IL2RA: variants seen among roughly 807,000 people sequenced by gnomAD.
The protein encoded by IL2RA is interleukin 2 receptor subunit alpha.
In IL2RA, 24 loss-of-function variants were observed where a neutral mutation model predicts 37.8. That is an observed-to-expected ratio of 0.63 (90% CI 0.46 to 0.89). The LOEUF (loss-of-function observed/expected upper bound fraction) is 0.89, where lower values mean the gene tolerates loss of function less well. IL2RA is among the 40% of genes least tolerant of loss of function. The pLI, the probability that IL2RA is intolerant of heterozygous loss-of-function variation, is 0.00. For missense variants in IL2RA, 319 were observed against 348.6 expected (o/e 0.92, Z 0.68); for synonymous variants, 125 against 114.6 (o/e 1.09, Z -0.58).
intron 1 of IL2RA, among the ~76,000 whole-genome samples, chr10:6,051,172 G>C (rs1281413701): frequency 6.6e-6 from 1 of 152,060 alleles, no homozygotes; most frequent in Non-Finnish European, 1.5e-5. Flanking sequence ...GCTACCACAA[G>C]GACCGGAAGC....
intron 1 of IL2RA, among the ~76,000 whole-genome samples, chr10:6,031,472 ATATATATATATATATATATATG>A (rs1564545918): frequency 0.18 from 3,752 of 20,908 alleles, 92 homozygotes; most frequent in African/African-American, 0.25. Flanking sequence ...ATATATATAT[ATATATATATATATATATATATG>A]TATATATATA....
At chr10:6,030,138 G>C (rs2132865417) in intron 1 of IL2RA, among the ~76,000 whole-genome samples, 1 of 152,230 alleles carries the variant, frequency 6.6e-6, no homozygotes, top group South Asian at 2.1e-4. Context: ...ATGGACCTTT[G>C]GCATGCTGTA....
chr10:6,026,751 G>A (rs1839489972), intron 1 of IL2RA, among the ~76,000 whole-genome samples: 2 of 152,296 alleles, frequency 1.3e-5, no homozygotes, highest in Middle Eastern at 3.4e-3. Context: ...GATTTTGGGG[G>A]GAAATATCAC....
rs1183864653 is a variant in IL2RA at position 6,057,583 on chromosome 10, C to A, written c.64+4505G>T. The stretch of plus-strand genomic sequence containing the variant: ...AAATCTGTCAAAAACTCACGCCCTC[C>A]CCGTGTCCTCTCCTCAGTGCTTTGG... On this transcript the variant is annotated intron_variant, in intron 1 of 7. Coordinates refer to ENST00000379959, the MANE Select transcript of IL2RA (RefSeq NM_000417.3). The surrounding 1 kb of genome is among the most constrained non-coding windows in gnomAD (Gnocchi z 4.8). Among the ~76,000 whole-genome samples the A allele has an allele frequency of 6.6e-6, 1 of 152,184 alleles. No individual in the cohort carries two copies. The highest frequency in any genetic ancestry group is 1.5e-5 in the Non-Finnish European group (1 of 68,042).
chr10:6,018,302 G>A lies in IL2RA; in HGVS notation c.728-183C>T, dbSNP rs79040149. Among the ~76,000 whole-genome samples the A allele has an allele frequency of 1.6e-3, 243 of 152,232 alleles. 1 individual carries two copies. The highest frequency in any genetic ancestry group is 5.6e-3 in the African/African-American group (234 of 41,526). ...ATTTCCTAGGAGTCTTGAGGAACAG[G>A]GCAGGGAGGACAGGGTGAGGGTGGA... On this transcript the variant is annotated intron_variant, in intron 6 of 7. Coordinates refer to ENST00000379959, the MANE Select transcript of IL2RA (RefSeq NM_000417.3). The surrounding 1 kb of genome is among the most constrained non-coding windows in gnomAD (Gnocchi z 5.1).
chr10:6,041,411 G>T (rs1001040535), intron 1 of IL2RA, among the ~76,000 whole-genome samples: 1 of 151,936 alleles, frequency 6.6e-6, no homozygotes, highest in East Asian at 1.9e-4. Context: ...CACTGCGCCC[G>T]GCCAATGGTG....
At chr10:6,013,642 G>A (rs1292201937) in intron 7 of IL2RA, among the ~76,000 whole-genome samples, 2 of 152,092 alleles carry the variant, frequency 1.3e-5, no homozygotes, top group Non-Finnish European at 2.9e-5. Flanking sequence ...CACTGATCAC[G>A]CGGTTGGGAA....
chr10:6,043,548 C>A (rs984072813), intron 1 of IL2RA, among the ~76,000 whole-genome samples: 1 of 152,114 alleles, frequency 6.6e-6, no homozygotes, highest in East Asian at 1.9e-4. Context: ...AAGTGATTCT[C>A]CTGCCTCAGC....
chr10:6,041,319 G>A (rs12722650), intron 1 of IL2RA, among the ~76,000 whole-genome samples: 1,856 of 152,054 alleles, frequency 0.012, 102 homozygotes, highest in Admixed American at 0.09. Flanking sequence ...GTTTCACTGT[G>A]TTAGCCAGGA....
rs1182898583 is a variant in IL2RA at position 6,054,482 on chromosome 10, T to C, written c.64+7606A>G. 6.6e-6 allele frequency among the ~76,000 whole-genome samples: 1 copy of C among 152,220 alleles called. No individual in the cohort carries two copies. The highest frequency in any genetic ancestry group is 1.5e-5 in the Non-Finnish European group (1 of 68,038). On this transcript the variant is annotated intron_variant, in intron 1 of 7. Coordinates refer to ENST00000379959, the MANE Select transcript of IL2RA (RefSeq NM_000417.3). The surrounding 1 kb of genome is among the most constrained non-coding windows in gnomAD (Gnocchi z 4.5). ...GAGAAGCACTCACATGCTGTCTGTC[T>C]GAGCAAAAGTATTCGTTTTTGTCCG...
chr10:6,024,333 T>C lies in IL2RA; in HGVS notation c.278A>G (p.Gln93Arg). ...CTGTTCTTCAGGTTGAGGTGTCACT[T>C]GTTTCGTTGTGTTCCGAGTGGCTAG... ...TSSATRNTTK[Q>R]VTPQPEEQKE... is the part of the protein sequence containing the mutation. The change falls in exon 3 of 8, where the codon CAA (glutamine) becomes CGA (arginine). Residue 93 changes from glutamine (Q) to arginine (R), a missense_variant. Physicochemically the swap from Gln to Arg is conservative, Grantham distance 43 (BLOSUM62 1). Transcript: ENST00000379959. 1.9e-6 allele frequency: 3 copies of C among 1,613,542 alleles called. No individual in the cohort carries two copies. The highest frequency in any genetic ancestry group is 2.5e-6 in the Non-Finnish European group (3 of 1,179,414).
intron 1 of IL2RA, among the ~76,000 whole-genome samples, chr10:6,050,260 T>G (rs1249178773): frequency 1.3e-5 from 2 of 152,166 alleles, no homozygotes; most frequent in Non-Finnish European, 2.9e-5. Flanking sequence ...CCTGAATGCA[T>G]GGGTTCTGCT....
In IL2RA at chr10:6,022,633, C is replaced by T. The variant is rs1232754007; in HGVS notation, c.368-940G>A. On this transcript the variant is annotated intron_variant, in intron 3 of 7. Coordinates refer to ENST00000379959, the MANE Select transcript of IL2RA (RefSeq NM_000417.3). This position sits in a 1 kb window ranked among gnomAD's most constrained non-coding sequence, Gnocchi z 4.7. The stretch of plus-strand genomic sequence containing the variant: ...TGGCCCTGTCCCAGGCTGGCTCCTG[C>T]CATGTGGCACCTTGAACATCACGAC... Among the ~76,000 whole-genome samples the T allele has an allele frequency of 2.0e-5, 3 of 148,196 alleles. No homozygotes were observed. The highest frequency in any genetic ancestry group is 7.8e-5 in the African/African-American group (3 of 38,646).
intron 3 of IL2RA, among the ~76,000 whole-genome samples, chr10:6,023,267 C>A (rs149379808): frequency 6.6e-6 from 1 of 152,308 alleles, no homozygotes; most frequent in Non-Finnish European, 1.5e-5. Context: ...TCTGAAGTCT[C>A]CTAAGGCTAG....
intron 1 of IL2RA, among the ~76,000 whole-genome samples, chr10:6,060,149 G>T (rs533140274): frequency 2.0e-5 from 3 of 152,126 alleles, no homozygotes; most frequent in Non-Finnish European, 4.4e-5. Flanking sequence ...TCCTGTTCTT[G>T]GCTTAGACTG....
In IL2RA at chr10:6,037,821, G is replaced by A. The variant is rs184434297; in HGVS notation, c.65-11796C>T. Among the ~76,000 whole-genome samples the A allele has an allele frequency of 8.5e-5, 13 of 152,262 alleles. No homozygotes were observed. In the East Asian group the frequency reaches 2.5e-3, roughly 29 times the overall value. On this transcript the variant is annotated intron_variant, in intron 1 of 7. Coordinates refer to ENST00000379959, the MANE Select transcript of IL2RA (RefSeq NM_000417.3). ...CACCTTAAGCTCGTTGACTCCCAGAGGAAATCTCTGTGGGAGACTGGAAAG... is the reference window on the plus strand; with the variant it reads ...CACCTTAAGCTCGTTGACTCCCAGAAGAAATCTCTGTGGGAGACTGGAAAG...
chr10:6,025,325 G>A lies in IL2RA; in HGVS notation c.256+509C>T, dbSNP rs1228609572. Reference sequence around the variant, plus strand: ...TCTGAGATTGTACCACCGCACCCCAGCCTGGGCAACAGAGCGAGACTGTCT... The same window carrying A: ...TCTGAGATTGTACCACCGCACCCCAACCTGGGCAACAGAGCGAGACTGTCT... On this transcript the variant is annotated intron_variant, in intron 2 of 7. Transcript: ENST00000379959. This position sits in a 1 kb window ranked among gnomAD's most constrained non-coding sequence, Gnocchi z 4.4. Among the ~76,000 whole-genome samples, 3 of 152,130 alleles carry A rather than the reference G, an allele frequency of 2.0e-5. No homozygotes were observed. The highest frequency in any genetic ancestry group is 6.6e-5 in the Admixed American group (1 of 15,262).
Position 6,012,260 on chromosome 10 carries a change from G to C in IL2RA, c.*612C>G, listed in dbSNP as rs1006609925. The C allele has an allele frequency of 2.6e-5, 4 of 153,048 alleles. No individual in the cohort carries two copies. The highest frequency in any genetic ancestry group is 6.5e-5 in the Admixed American group (1 of 15,398). 9.5% of individuals were successfully genotyped at this position (153,048 alleles called of 1,614,324 possible). On this transcript the variant is annotated 3_prime_UTR_variant, in exon 8 of 8. Transcript: ENST00000379959. The surrounding 1 kb of genome is among the most constrained non-coding windows in gnomAD (Gnocchi z 4.8). ...GTTTTTTAGAAATTCAAGACTGAAGGCTCAGTAGAAGGGGGTTAGCTTAGA... is the reference window on the plus strand; with the variant it reads ...GTTTTTTAGAAATTCAAGACTGAAGCCTCAGTAGAAGGGGGTTAGCTTAGA...
At chr10:6,051,346 C>T (rs890517247) in intron 1 of IL2RA, among the ~76,000 whole-genome samples, 6 of 152,004 alleles carry the variant, frequency 3.9e-5, no homozygotes, top group South Asian at 4.1e-4. Context: ...AAGAGGCTGA[C>T]GTCAACTTTA....
Sources: gnomAD v4.1 joint callset for allele counts (sites outside exome capture counted in the v4.1 genomes callset) on GRCh38, gnomAD v4.1.1 for gene constraint, Gnocchi (gnomAD v3.1) non-coding constraint, MANE v1.5 for transcripts, NCBI Gene and HGNC (gene_info 2026-07-23, HGNC 2026-07-21) for gene names.